Variants in EPHA7 observed in about 807,000 individuals in gnomAD.
EPHA7 encodes EPH receptor A7.
EPHA7 carries 25 observed loss-of-function variants against 112.6 expected under a neutral mutation model. The observed-to-expected ratio is 0.22, with a 90% confidence interval of 0.16 to 0.31. The LOEUF (loss-of-function observed/expected upper bound fraction) is 0.31, where lower values mean the gene tolerates loss of function less well. EPHA7 is among the 10% of genes least tolerant of loss of function. EPHA7 has a pLI of 1.00. For missense variants in EPHA7, 962 were observed against 1,212.6 expected, an observed-to-expected ratio of 0.79 and a Z score of 3.07; for synonymous variants, 437 against 406.5, an observed-to-expected ratio of 1.07 and a Z score of -0.90.
intron 5 of EPHA7, among the ~76,000 whole-genome samples, chr6:93,322,874 C>CGT (rs1288086408): frequency 1.3e-5 from 2 of 151,422 alleles, no homozygotes; most frequent in African/African-American, 4.8e-5. Context: ...CTGTGCTTTA[C>CGT]GTGTGTGTGT....
At chr6:93,298,324 A>T in intron 5 of EPHA7, among the ~76,000 whole-genome samples, 1 of 152,302 alleles carries the variant, frequency 6.6e-6, no homozygotes, top group South Asian at 2.1e-4. Flanking sequence ...AATTTAAGCC[A>T]TTTAACAAAA....
chr6:93,322,401 C>A, intron 5 of EPHA7, among the ~76,000 whole-genome samples: 1 of 151,578 alleles, frequency 6.6e-6, no homozygotes, highest in African/African-American at 2.4e-5. Flanking sequence ...CAAGCAATTC[C>A]TTTTTTTGTC....
At chr6:93,294,616 T>C (rs1772557726) in intron 5 of EPHA7, among the ~76,000 whole-genome samples, 1 of 152,126 alleles carries the variant, frequency 6.6e-6, no homozygotes, top group Non-Finnish European at 1.5e-5. Context: ...GGTAGTTAAA[T>C]GTTGTTTTAT....
intron 7 of EPHA7, among the ~76,000 whole-genome samples, chr6:93,265,857 T>C (rs1770909542): frequency 6.6e-6 from 1 of 151,690 alleles, no homozygotes; most frequent in African/African-American, 2.4e-5. Context: ...CTTGCCACAA[T>C]AGGAAGTATA....
Position 93,410,425 on chromosome 6 carries a change from A to G in EPHA7, c.832+76T>C. 2.3e-6 allele frequency: 3 copies of G among 1,331,334 alleles called. No individual in the cohort carries two copies. The highest frequency in any genetic ancestry group is 2.1e-5 in the Admixed American group (1 of 47,134). 82.5% of individuals were successfully genotyped at this position (1,331,334 alleles called of 1,614,324 possible). A position where few individuals can be genotyped will look rare whatever the true frequency, so the allele number is the denominator to read the frequency against. ...ACAGAGCAGATTCACGTATTCAAAT[A>G]ACTATTAAAGTTTAAAATGTCTGAT... is the stretch of plus-strand genomic sequence containing the variant. On this transcript the variant is annotated intron_variant, in intron 3 of 16. Coordinates refer to ENST00000369303, the MANE Select transcript of EPHA7 (RefSeq NM_004440.4). This position sits in a 1 kb window ranked among gnomAD's most constrained non-coding sequence, Gnocchi z 4.0.
chr6:93,400,707 T>C (rs1778398500), intron 3 of EPHA7, among the ~76,000 whole-genome samples: 1 of 151,890 alleles, frequency 6.6e-6, no homozygotes, highest in Non-Finnish European at 1.5e-5. Context: ...CTGAATAACT[T>C]TTCCAATTTT....
At chr6:93,311,112 C>CTTTTTT (rs1434719790) in intron 5 of EPHA7, among the ~76,000 whole-genome samples, 9 of 71,016 alleles carry the variant, frequency 1.3e-4, no homozygotes, top group African/African-American at 6.0e-4. Context: ...TCATGCCCAG[C>CTTTTTT]TATTTTTTTT....
intron 5 of EPHA7, among the ~76,000 whole-genome samples, chr6:93,293,432 T>C (rs1742928416): frequency 6.6e-6 from 1 of 152,170 alleles, no homozygotes; most frequent in Non-Finnish European, 1.5e-5. Context: ...ATAAGACATT[T>C]AGAAAAATTA....
chr6:93,284,184 T>C (rs1393502523), intron 5 of EPHA7, among the ~76,000 whole-genome samples: 1 of 152,210 alleles, frequency 6.6e-6, no homozygotes, highest in Non-Finnish European at 1.5e-5. Flanking sequence ...CTCTCCTTTT[T>C]TCCTGCTATA....
rs747076425 is a variant in EPHA7 at position 93,256,043 on chromosome 6, G to C, written c.2173-6C>G. On this transcript the variant is annotated splice_polypyrimidine_tract_variant and splice_region_variant and intron_variant, in intron 12 of 16. Coordinates refer to ENST00000369303, the MANE Select transcript of EPHA7 (RefSeq NM_004440.4). ...GTAAATTGCCCATCATGTTTCTGCA[G>C]GAAGACAAAAATAAAAGCCCAGTTA... The C allele has an allele frequency of 6.2e-7, 1 of 1,613,418 alleles. No individual in the cohort carries two copies. Among genetic ancestry groups the C allele is most frequent in the South Asian group, 1.1e-5 (1 of 91,048 alleles).
intron 2 of EPHA7, among the ~76,000 whole-genome samples, chr6:93,411,376 A>G (rs888663279): frequency 5.3e-5 from 8 of 152,182 alleles, no homozygotes; most frequent in Non-Finnish European, 1.2e-4. Context: ...TTGTGTATAC[A>G]TACAATAAAT....
intron 3 of EPHA7, among the ~76,000 whole-genome samples, chr6:93,370,450 T>G (rs1489780052): frequency 6.6e-6 from 1 of 152,192 alleles, no homozygotes; most frequent in Non-Finnish European, 1.5e-5. Context: ...ACTATTAAAA[T>G]AAATTCTAAT....
Position 93,410,224 on chromosome 6 carries a change from C to T in EPHA7, c.832+277G>A. The T allele has an allele frequency of 2.8e-6, 1 of 359,584 alleles. No homozygotes were observed. Among genetic ancestry groups the T allele is most frequent in the Non-Finnish European group, 5.1e-6 (1 of 195,780 alleles). The allele number at this position is 359,584 out of a possible 1,614,324, so 22.3% of individuals were successfully genotyped here. ...ACTACCCAGACTCCTCTCTAAACTC[C>T]ATAGCCCAACGTGCAACTATTGACT... is the stretch of plus-strand genomic sequence containing the variant. On this transcript the variant is annotated intron_variant, in intron 3 of 16. Transcript: ENST00000369303. This position sits in a 1 kb window ranked among gnomAD's most constrained non-coding sequence, Gnocchi z 4.0.
At chr6:93,342,992 AT>A (rs1020364127) in intron 5 of EPHA7, among the ~76,000 whole-genome samples, 9 of 151,768 alleles carry the variant, frequency 5.9e-5, no homozygotes, top group African/African-American at 2.2e-4. Flanking sequence ...AAAAAAATCA[AT>A]TACTATTAGA....
intron 6 of EPHA7, among the ~76,000 whole-genome samples, chr6:93,271,733 T>C (rs921707032): frequency 3.3e-5 from 5 of 151,834 alleles, no homozygotes; most frequent in Non-Finnish European, 7.4e-5. Context: ...GAAGGAGAGG[T>C]GTAAATAAGT....
intron 5 of EPHA7, among the ~76,000 whole-genome samples, chr6:93,334,963 T>C (rs535265784): frequency 2.0e-5 from 3 of 152,080 alleles, no homozygotes; most frequent in Admixed American, 6.6e-5. Context: ...AGTGTGAAAA[T>C]CAAGGACAGG....
At chr6:93,379,620 G>A (rs1418461068) in intron 3 of EPHA7, among the ~76,000 whole-genome samples, 2 of 151,728 alleles carry the variant, frequency 1.3e-5, no homozygotes, top group East Asian at 1.9e-4. Flanking sequence ...AGGTTTATAC[G>A]GCCAGTGATT....
At position 93,246,968 on chromosome 6, in the gene EPHA7, T is replaced by C; in HGVS notation, c.2550A>G (p.Glu850=). 5 of 1,591,886 alleles carry C rather than the reference T, an allele frequency of 3.1e-6. No homozygotes were observed. Among genetic ancestry groups the C allele is most frequent in the Non-Finnish European group, 4.3e-6 (5 of 1,162,926 alleles). Residue 850 remains glutamate (E), a synonymous_variant, in exon 15 of 17, where the codon GAA becomes GAG. Coordinates refer to ENST00000369303, the MANE Select transcript of EPHA7 (RefSeq NM_004440.4). ...TGGGTGCTGGTAAACGATAACCTTC[T>C]TCTATTGCTTTTATAACCTAATAGC... ...MSNQDVIKAI[E]EGYRLPAPMD... is the part of the protein sequence containing the mutation.
chr6:93,364,562 A>C (rs981699519), intron 3 of EPHA7, among the ~76,000 whole-genome samples: 3 of 151,150 alleles, frequency 2.0e-5, no homozygotes, highest in African/African-American at 2.4e-5. Flanking sequence ...AAAATTCATC[A>C]GTAATGTACC....
Sources: gnomAD v4.1 joint callset for allele counts (sites outside exome capture counted in the v4.1 genomes callset) on GRCh38, gnomAD v4.1.1 for gene constraint, Gnocchi (gnomAD v3.1) non-coding constraint, MANE v1.5 for transcripts, NCBI Gene and HGNC (gene_info 2026-07-23, HGNC 2026-07-21) for gene names.